ATF7IP: variants seen among roughly 807,000 people sequenced by gnomAD.
ATF7IP encodes the protein activating transcription factor 7-interacting protein 1.
A neutral mutation model predicts 106.4 loss-of-function variants in ATF7IP; 23 were observed. The ratio of observed to expected loss-of-function variants is 0.22; its 90% CI spans 0.16 to 0.31. ATF7IP has a LOEUF of 0.31. Among genes scored for constraint, ATF7IP ranks in the 10% least tolerant of loss-of-function variants. The pLI is 1.00. For synonymous variants in ATF7IP, 542 were observed against 539.0 expected (o/e 1.01, Z -0.08); for missense variants, 1,334 against 1,524.3 (o/e 0.88, Z 2.08).
At chr12:14,445,252 G>A (rs1942900292) in intron 5 of ATF7IP, among the ~76,000 whole-genome samples, 1 of 152,038 alleles carries the variant, frequency 6.6e-6, no homozygotes, top group African/African-American at 2.4e-5. Flanking sequence ...GCCTCCCAAA[G>A]TATTGGGATT....
intron 1 of ATF7IP, among the ~76,000 whole-genome samples, chr12:14,389,838 G>T (rs1211878891): frequency 1.3e-5 from 2 of 152,124 alleles, no homozygotes; most frequent in East Asian, 3.9e-4. Context: ...TGTTGAGGCT[G>T]GTCTTGAACT....
chr12:14,480,979 A>T (rs536882890), intron 12 of ATF7IP, 24 bp from the exon 13 acceptor site: 1 of 1,608,336 alleles, frequency 6.2e-7, no homozygotes. Context: ...TGTATTCTTA[A>T]TATCTTTTTC....
intron 9 of ATF7IP, among the ~76,000 whole-genome samples, chr12:14,462,870 A>G (rs1449213348): frequency 6.6e-6 from 1 of 151,970 alleles, no homozygotes; most frequent in African/African-American, 2.4e-5. Flanking sequence ...ATGTAATTAT[A>G]TCAAGATCTT....
intron 1 of ATF7IP, among the ~76,000 whole-genome samples, chr12:14,372,749 T>A (rs757792546): frequency 8.5e-5 from 13 of 152,184 alleles, no homozygotes; most frequent in Non-Finnish European, 1.5e-4. Flanking sequence ...AATGTCTTAC[T>A]ATATATGATC....
chr12:14,400,814 C>T (rs1940151694), intron 1 of ATF7IP, among the ~76,000 whole-genome samples: 1 of 152,142 alleles, frequency 6.6e-6, no homozygotes, highest in African/African-American at 2.4e-5. Context: ...TATATTAATG[C>T]TAACCACAAG....
At chr12:14,395,505 G>T (rs1234804508) in intron 1 of ATF7IP, among the ~76,000 whole-genome samples, 3 of 152,044 alleles carry the variant, frequency 2.0e-5, no homozygotes, top group Non-Finnish European at 1.5e-5. Flanking sequence ...CTTCATATAT[G>T]AATATTACTC....
chr12:14,439,960 C>T (rs995810279), intron 5 of ATF7IP, among the ~76,000 whole-genome samples: 1 of 152,152 alleles, frequency 6.6e-6, no homozygotes, highest in Non-Finnish European at 1.5e-5. Flanking sequence ...TAAATTTGTA[C>T]TTAAATGTTG....
chr12:14,496,942 T>A (rs1310130195), intron 14 of ATF7IP, among the ~76,000 whole-genome samples: 10 of 152,222 alleles, frequency 6.6e-5, no homozygotes, highest in Non-Finnish European at 1.5e-4. Context: ...TCATGTTTTT[T>A]CATCATCTGG....
At chr12:14,461,488 T>TA (rs1943636227) in intron 9 of ATF7IP, among the ~76,000 whole-genome samples, 1 of 152,200 alleles carries the variant, frequency 6.6e-6, no homozygotes, top group African/African-American at 2.4e-5. Context: ...ATTTACATAA[T>TA]ATATGCTTTT....
rs913566254 is a variant in ATF7IP at position 14,501,563 on chromosome 12, A to T, written c.*3490A>T. 1.3e-5 allele frequency: 2 copies of T among 152,164 alleles called. No homozygotes were observed. Among genetic ancestry groups the T allele is most frequent in the South Asian group, 2.1e-4 (1 of 4,828 alleles). 9.4% of individuals were successfully genotyped at this position (152,164 alleles called of 1,614,324 possible). On this transcript the variant is annotated 3_prime_UTR_variant, in exon 15 of 15. Coordinates refer to ENST00000261168, the MANE Select transcript of ATF7IP (RefSeq NM_018179.5). ...CTTCTATTTCTCTGGACTCATTTTTAAAAAATATGCCGAATACTGCATACT... is the reference window on the plus strand; with the variant it reads ...CTTCTATTTCTCTGGACTCATTTTTTAAAAATATGCCGAATACTGCATACT...
At chr12:14,383,105 G>C (rs749666023) in intron 1 of ATF7IP, among the ~76,000 whole-genome samples, 2 of 152,176 alleles carry the variant, frequency 1.3e-5, no homozygotes, top group Admixed American at 1.3e-4. Flanking sequence ...ATAAAGCTCT[G>C]TCAGCTGGTA....
intron 13 of ATF7IP, among the ~76,000 whole-genome samples, chr12:14,488,683 A>G (rs1944708017): frequency 6.6e-6 from 1 of 152,164 alleles, no homozygotes; most frequent in Admixed American, 6.6e-5. Flanking sequence ...ACCCATATAC[A>G]TCTCCTAATA....
intron 1 of ATF7IP, among the ~76,000 whole-genome samples, chr12:14,373,644 A>G (rs1264337298): frequency 6.6e-6 from 1 of 152,228 alleles, no homozygotes; most frequent in Non-Finnish European, 1.5e-5. Context: ...ATATTAATGA[A>G]TAGCATTTTC....
intron 1 of ATF7IP, among the ~76,000 whole-genome samples, chr12:14,388,082 C>T (rs1309666629): frequency 2.0e-5 from 3 of 148,624 alleles, no homozygotes; most frequent in African/African-American, 7.5e-5. Context: ...GATGCTTCCT[C>T]GGCTCACTGC....
chr12:14,436,281 T>C (rs747362916), intron 4 of ATF7IP, 30 bp downstream of exon 4: 3 of 1,578,998 alleles, frequency 1.9e-6, no homozygotes, highest in South Asian at 1.1e-5. Flanking sequence ...TTATAAACCA[T>C]ATTGAATAAA....
At chr12:14,472,693 T>G (rs1388474632) in intron 10 of ATF7IP, among the ~76,000 whole-genome samples, 1 of 152,176 alleles carries the variant, frequency 6.6e-6, no homozygotes, top group East Asian at 1.9e-4. Context: ...CCTCTACATC[T>G]CTTCTTGGGA....
At chr12:14,448,911 G>A (rs1463980104) in intron 6 of ATF7IP, among the ~76,000 whole-genome samples, 1 of 152,106 alleles carries the variant, frequency 6.6e-6, no homozygotes, top group East Asian at 1.9e-4. Flanking sequence ...GTGATGTTGA[G>A]CATCTTTTCA....
intron 1 of ATF7IP, among the ~76,000 whole-genome samples, chr12:14,382,191 AAT>A (rs1375330870): frequency 1.3e-5 from 2 of 152,216 alleles, no homozygotes; most frequent in Non-Finnish European, 2.9e-5. Flanking sequence ...TCTACAAACA[AAT>A]AAACGAAAAA....
intron 5 of ATF7IP, among the ~76,000 whole-genome samples, chr12:14,443,618 C>A (rs1942814848): frequency 6.6e-6 from 1 of 152,046 alleles, no homozygotes; most frequent in Admixed American, 6.5e-5. Context: ...TTGTAAATAT[C>A]ATATTTAATA....
Sources: gnomAD v4.1 joint callset for allele counts (sites outside exome capture counted in the v4.1 genomes callset) on GRCh38, gnomAD v4.1.1 for gene constraint, MANE v1.5 for transcripts, NCBI Gene and HGNC (gene_info 2026-07-23, HGNC 2026-07-21) for gene names.